Variants in ABCC6 observed in about 807,000 individuals in gnomAD.
ABCC6 encodes ATP-binding cassette sub-family C member 6.
Under a neutral mutation model 169.5 loss-of-function variants are expected in ABCC6, and 126 were observed. That is an observed-to-expected ratio of 0.74 (90% CI 0.64 to 0.86). ABCC6 has a LOEUF of 0.86. Among genes scored for constraint, ABCC6 ranks in the 40% least tolerant of loss-of-function variants. ABCC6 has a pLI of 0.00. For missense variants in ABCC6, 1,733 were observed against 1,927.2 expected (o/e 0.90, Z 1.89); for synonymous variants, 752 against 814.7 (o/e 0.92, Z 1.31).
At chr16:16,190,869 G>C (rs1317160961) in intron 11 of ABCC6, among the ~76,000 whole-genome samples, 1 of 134,268 alleles carries the variant, frequency 7.4e-6, no homozygotes. Flanking sequence ...AGGATGGGGG[G>C]ATGGAGCTGG....
intron 20 of ABCC6, among the ~76,000 whole-genome samples, chr16:16,174,746 G>T (rs1391296734): frequency 1.6e-5 from 2 of 121,934 alleles, no homozygotes; most frequent in Non-Finnish European, 1.7e-5. Flanking sequence ...GACAGAGCAA[G>T]ATTCTGTCTC....
At position 16,149,812 on chromosome 16, in the gene ABCC6, T is replaced by A. The variant is rs908248822; in HGVS notation, c.*321A>T. On this transcript the variant is annotated 3_prime_UTR_variant, in exon 31 of 31. Coordinates refer to ENST00000205557, the MANE Select transcript of ABCC6 (RefSeq NM_001171.6). ...AGCCTCAGAGATTCTGATTTAAGGG[T>A]CTAGCCGGGAGCCTGGGCATGTGCT... is the stretch of plus-strand genomic sequence containing the variant. 6.2e-6 allele frequency: 3 copies of A among 484,004 alleles called. No individual in the cohort carries two copies. Among genetic ancestry groups the A allele is most frequent in the Non-Finnish European group, 1.1e-5 (3 of 263,048 alleles). 30.0% of individuals were successfully genotyped at this position (484,004 alleles called of 1,614,324 possible). A position where few individuals can be genotyped will look rare whatever the true frequency, so the allele number is the denominator to read the frequency against.
In ABCC6 at chr16:16,169,865, A is replaced by G. The variant is rs756745277; in HGVS notation, c.2788-12T>C. 5.8e-6 allele frequency: 9 copies of G among 1,550,538 alleles called. No homozygotes were observed. In the Admixed American group the frequency reaches 9.8e-5, roughly 17 times the overall value. On this transcript the variant is annotated splice_polypyrimidine_tract_variant and intron_variant, in intron 21 of 30. Transcript: ENST00000205557. ...ACTGTGGCCTTCACCTGTAGCACAC[A>G]TGAGGGAGAGGGAGGCAGAGAGAGC... is the stretch of plus-strand genomic sequence containing the variant.
chr16:16,207,401 C>T (rs544180360), intron 7 of ABCC6, among the ~76,000 whole-genome samples: 1 of 152,298 alleles, frequency 6.6e-6, no homozygotes, highest in South Asian at 2.1e-4. Context: ...GCTGAACTTG[C>T]ATGGGAAGGG....
At chr16:16,157,865 G>T in intron 26 of ABCC6, 56 bp from the exon 27 acceptor site, 1 of 1,567,024 alleles carries the variant, frequency 6.4e-7, no homozygotes, top group Non-Finnish European at 8.7e-7. Flanking sequence ...CTTCACACAA[G>T]ATGGCCCACC....
intron 25 of ABCC6, among the ~76,000 whole-genome samples, chr16:16,160,230 AC>A (rs2046671987): frequency 6.6e-6 from 1 of 152,132 alleles, no homozygotes; most frequent in Non-Finnish European, 1.5e-5. Flanking sequence ...CCTCACTGCC[AC>A]CCAACATGCT....
chr16:16,208,575 T>C (rs1460916690), intron 7 of ABCC6, among the ~76,000 whole-genome samples, 153 bp downstream of exon 7: 1 of 152,092 alleles, frequency 6.6e-6, no homozygotes, highest in Non-Finnish European at 1.5e-5. Context: ...GGTTTCACTA[T>C]GTTGGCCAGA....
chr16:16,189,319 G>A (rs1006259725), intron 12 of ABCC6, among the ~76,000 whole-genome samples: 2 of 152,104 alleles, frequency 1.3e-5, no homozygotes, highest in African/African-American at 2.4e-5. Flanking sequence ...TGTTCTAGAC[G>A]TGGTGGAACT....
chr16:16,215,295 C>A (rs760976219), intron 4 of ABCC6, among the ~76,000 whole-genome samples: 1 of 152,168 alleles, frequency 6.6e-6, no homozygotes, highest in Non-Finnish European at 1.5e-5. Context: ...TGTTCAAGGA[C>A]ACGCAGATGA....
chr16:16,163,604 C>CA (rs2046793897), intron 23 of ABCC6, among the ~76,000 whole-genome samples: 1 of 152,118 alleles, frequency 6.6e-6, no homozygotes, highest in African/African-American at 2.4e-5. Context: ...AGTGGGAGAA[C>CA]AAAACTGTAA....
At chr16:16,196,862 C>G (rs201205121) in intron 10 of ABCC6, among the ~76,000 whole-genome samples, 5 of 151,932 alleles carry the variant, frequency 3.3e-5, no homozygotes, top group African/African-American at 1.2e-4. Context: ...CCACTATGCC[C>G]GGCTAATTTT....
At position 16,149,595 on chromosome 16, in the gene ABCC6, G is replaced by T. The variant is rs1481201832; in HGVS notation, c.*538C>A. The T allele has an allele frequency of 3.6e-5, 9 of 249,494 alleles. No individual in the cohort carries two copies. The highest frequency in any genetic ancestry group is 6.3e-5 in the Non-Finnish European group (8 of 126,316). 15.5% of individuals were successfully genotyped at this position (249,494 alleles called of 1,614,324 possible). On this transcript the variant is annotated 3_prime_UTR_variant, in exon 31 of 31. Coordinates refer to ENST00000205557, the MANE Select transcript of ABCC6 (RefSeq NM_001171.6). ...GTAAAACGGGAAATCGAGCAAGATT[G>T]TTGTGTCAATGTCAACACCCTGGCT...
At chr16:16,220,688 G>C (rs2049041181) in intron 2 of ABCC6, among the ~76,000 whole-genome samples, 1 of 152,152 alleles carries the variant, frequency 6.6e-6, no homozygotes, top group Non-Finnish European at 1.5e-5. Flanking sequence ...CTGAGGTCAG[G>C]AGTTGGAGAC....
chr16:16,185,119 C>T (rs1294238268), intron 14 of ABCC6, 85 bp from the exon 15 acceptor site: 16 of 282,476 alleles, frequency 5.7e-5, no homozygotes, highest in South Asian at 4.2e-4. Flanking sequence ...CCATCCCCCG[C>T]CCCCCCCAGG....
chr16:16,184,714 T>C (rs1271020019), intron 15 of ABCC6, among the ~76,000 whole-genome samples: 1 of 151,952 alleles, frequency 6.6e-6, no homozygotes, highest in African/African-American at 2.4e-5. Flanking sequence ...CTCCCCCTAA[T>C]GGGGGAGGCT....
chr16:16,153,388 C>T (rs923807939), intron 29 of ABCC6, among the ~76,000 whole-genome samples: 6 of 152,142 alleles, frequency 3.9e-5, no homozygotes, highest in African/African-American at 9.7e-5. Context: ...ACACATGCTA[C>T]GATGTGGATG....
At chr16:16,214,124 T>A (rs2048757075) in intron 5 of ABCC6, among the ~76,000 whole-genome samples, 200 bp downstream of exon 5, 3 of 152,224 alleles carry the variant, frequency 2.0e-5, no homozygotes, top group Admixed American at 1.3e-4. Flanking sequence ...GCCACTGAGA[T>A]CACTGTATGG....
chr16:16,150,499 A>G, intron 30 of ABCC6, 79 bp downstream of exon 30: 4 of 1,544,664 alleles, frequency 2.6e-6, no homozygotes, highest in Non-Finnish European at 3.5e-6. Context: ...CCCGAAGCCC[A>G]GTGGCCCAGG....
chr16:16,217,149 C>A (rs1161248552), intron 4 of ABCC6, among the ~76,000 whole-genome samples: 1 of 152,142 alleles, frequency 6.6e-6, no homozygotes, highest in African/African-American at 2.4e-5. Flanking sequence ...AATCATGATT[C>A]CTCTACTGGA....
Sources: allele counts gnomAD v4.1 joint callset (sites outside exome capture counted in the v4.1 genomes callset), GRCh38; gene constraint gnomAD v4.1.1; transcripts MANE v1.5; gene names NCBI Gene and HGNC (gene_info 2026-07-23, HGNC 2026-07-21).